Variants in RSRC1 observed in about 807,000 individuals in gnomAD.
RSRC1 encodes the protein arginine and serine rich coiled-coil 1.
A neutral mutation model predicts 49.1 loss-of-function variants in RSRC1; 39 were observed. The ratio of observed to expected loss-of-function variants is 0.79; its 90% CI spans 0.61 to 1.04. RSRC1 has a LOEUF of 1.04. Among genes scored for constraint, RSRC1 ranks in the 50% least tolerant of loss-of-function variants. The pLI is 0.00. For synonymous variants in RSRC1, 143 were observed against 130.8 expected (o/e 1.09, Z -0.63); for missense variants, 388 against 402.4 (o/e 0.96, Z 0.31).
intron 6 of RSRC1, among the ~76,000 whole-genome samples, chr3:158,447,048 T>C (rs535917090): frequency 1.3e-5 from 2 of 152,204 alleles, no homozygotes; most frequent in African/African-American, 4.8e-5. Flanking sequence ...AGGGCCATGA[T>C]ACAACTCTTC....
chr3:158,299,953 CT>C (rs1038928183), intron 5 of RSRC1, among the ~76,000 whole-genome samples: 1 of 152,120 alleles, frequency 6.6e-6, no homozygotes, highest in African/African-American at 2.4e-5. Flanking sequence ...AACTTTTGAA[CT>C]TTTAAATAAC....
chr3:158,252,783 G>A (rs7630220), intron 4 of RSRC1, among the ~76,000 whole-genome samples: 11 of 152,014 alleles, frequency 7.2e-5, no homozygotes, highest in African/African-American at 2.4e-4. Flanking sequence ...GTCTATTCAC[G>A]TTTTGTATTT....
At chr3:158,317,331 C>T (rs1013197840) in intron 5 of RSRC1, among the ~76,000 whole-genome samples, 14 of 152,076 alleles carry the variant, frequency 9.2e-5, no homozygotes, top group Non-Finnish European at 1.6e-4. Flanking sequence ...TGGGCTCAAG[C>T]GATCCTCCTA....
intron 6 of RSRC1, among the ~76,000 whole-genome samples, chr3:158,441,012 G>T (rs896988984): frequency 1.3e-5 from 2 of 152,016 alleles, no homozygotes; most frequent in East Asian, 3.9e-4. Context: ...GAAATCTCTT[G>T]CATGGTTTTA....
chr3:158,316,441 T>TC (rs1728457463), intron 5 of RSRC1, among the ~76,000 whole-genome samples: 1 of 20,604 alleles, frequency 4.9e-5, no homozygotes, highest in Non-Finnish European at 8.5e-5. Flanking sequence ...ATCTCTCATT[T>TC]TTTTTTTTTT....
At chr3:158,397,239 A>G (rs895266999) in intron 6 of RSRC1, among the ~76,000 whole-genome samples, 2 of 152,202 alleles carry the variant, frequency 1.3e-5, no homozygotes. Context: ...TGTTTAGACT[A>G]ACCAATACAA....
intron 7 of RSRC1, among the ~76,000 whole-genome samples, chr3:158,495,018 T>C (rs914970787): frequency 6.6e-6 from 1 of 152,224 alleles, no homozygotes; most frequent in African/African-American, 2.4e-5. Context: ...TGCTATAGTT[T>C]TATAAGACTG....
chr3:158,477,910 CT>C (rs934713028), intron 7 of RSRC1, among the ~76,000 whole-genome samples: 4 of 147,884 alleles, frequency 2.7e-5, no homozygotes, highest in African/African-American at 7.5e-5. Context: ...TTCCTGTTTT[CT>C]TTTTTTTAAC....
intron 7 of RSRC1, among the ~76,000 whole-genome samples, chr3:158,513,556 A>C (rs1315964961): frequency 6.6e-6 from 1 of 152,150 alleles, no homozygotes; most frequent in Non-Finnish European, 1.5e-5. Flanking sequence ...ATGTTCATCA[A>C]GGATATTGGC....
intron 3 of RSRC1, chr3:158,136,819 A>G (rs1176508169): frequency 6.6e-6 from 1 of 152,204 alleles, no homozygotes; most frequent in African/African-American, 2.4e-5. Context: ...AAACTGGGCA[A>G]CATTGTTCTT....
At chr3:158,519,939 A>G (rs1213094571) in intron 7 of RSRC1, among the ~76,000 whole-genome samples, 1 of 152,102 alleles carries the variant, frequency 6.6e-6, no homozygotes, top group African/African-American at 2.4e-5. Flanking sequence ...AGGAATTGTG[A>G]CCAGTGAGGA....
At chr3:158,247,236 G>A (rs1016152223) in intron 4 of RSRC1, among the ~76,000 whole-genome samples, 1 of 152,098 alleles carries the variant, frequency 6.6e-6, no homozygotes, top group Admixed American at 6.6e-5. Flanking sequence ...GGTCAGTTAT[G>A]TTCCTCTTTA....
chr3:158,378,821 C>T (rs112900749), intron 6 of RSRC1, among the ~76,000 whole-genome samples: 2,975 of 152,252 alleles, frequency 0.02, 47 homozygotes, highest in Non-Finnish European at 0.029. Context: ...ACAACCATGA[C>T]CTACCCTTAG....
chr3:158,176,829 A>G (rs1318050414), intron 3 of RSRC1, among the ~76,000 whole-genome samples: 1 of 152,224 alleles, frequency 6.6e-6, no homozygotes, highest in Non-Finnish European at 1.5e-5. Flanking sequence ...TCTGCACGGC[A>G]AAAGAAACTA....
At chr3:158,165,069 A>G (rs1221010957) in intron 3 of RSRC1, among the ~76,000 whole-genome samples, 1 of 152,178 alleles carries the variant, frequency 6.6e-6, no homozygotes, top group Non-Finnish European at 1.5e-5. Flanking sequence ...AAATGGCCTC[A>G]CCTTATGGCT....
intron 7 of RSRC1, among the ~76,000 whole-genome samples, chr3:158,522,018 G>A (rs975022315): frequency 2.0e-5 from 3 of 151,886 alleles, no homozygotes; most frequent in African/African-American, 7.3e-5. Context: ...TTTTATAAAG[G>A]GTAGGATCGT....
intron 6 of RSRC1, among the ~76,000 whole-genome samples, chr3:158,421,179 A>C (rs1403221378): frequency 6.6e-6 from 1 of 151,962 alleles, no homozygotes; most frequent in Non-Finnish European, 1.5e-5. Context: ...AGAACAAAGA[A>C]GATCAGTATG....
intron 7 of RSRC1, among the ~76,000 whole-genome samples, chr3:158,473,685 G>GTCCTT (rs1738243854): frequency 6.6e-6 from 1 of 151,810 alleles, no homozygotes; most frequent in Non-Finnish European, 1.5e-5. Context: ...GATGAGAAAT[G>GTCCTT]TCCTTTTTTC....
intron 3 of RSRC1, among the ~76,000 whole-genome samples, chr3:158,175,483 AT>A (rs138435487): frequency 6.6e-6 from 1 of 150,910 alleles, no homozygotes. Context: ...GTATGGTATG[AT>A]TTTTTTTTGA....
Sources: gnomAD v4.1 joint callset for allele counts (sites outside exome capture counted in the v4.1 genomes callset) on GRCh38, gnomAD v4.1.1 for gene constraint, MANE v1.5 for transcripts, NCBI Gene and HGNC (gene_info 2026-07-23, HGNC 2026-07-21) for gene names.